The following THADA variants were observed in gnomAD, a reference collection of about 807,000 sequenced individuals.
THADA encodes the protein THADA armadillo repeat containing.
A neutral mutation model predicts 219.8 loss-of-function variants in THADA; 213 were observed. The observed-to-expected ratio is 0.97, with a 90% CI of 0.87 to 1.09. The LOEUF (loss-of-function observed/expected upper bound fraction) is 1.09, where lower values mean the gene tolerates loss of function less well. Ranked by LOEUF, THADA falls within the 50% of genes least tolerant of loss-of-function variation. The probability of loss-of-function intolerance (pLI) is 0.00; values close to 1 mark genes in which losing one functional copy is unlikely to be tolerated. For missense variants in THADA, 2,956 were observed against 2,311.3 expected, an observed-to-expected ratio of 1.28 and a Z score of -5.72; for synonymous variants, 1,018 against 828.9, an observed-to-expected ratio of 1.23 and a Z score of -3.92.
chr2:43,584,138 T>A (rs1380392342), intron 7 of THADA, among the ~76,000 whole-genome samples: 1 of 150,596 alleles, frequency 6.6e-6, no homozygotes, highest in Non-Finnish European at 1.5e-5. Context: ...ATAGGCAAAT[T>A]CAAAAAGACA....
chr2:43,577,714 T>C (rs1045039505), intron 9 of THADA, among the ~76,000 whole-genome samples: 2 of 152,030 alleles, frequency 1.3e-5, no homozygotes, highest in African/African-American at 4.8e-5. Context: ...ACAAGGATTG[T>C]GGCCTAAATT....
At chr2:43,520,478 A>G (rs1393572310) in intron 22 of THADA, among the ~76,000 whole-genome samples, 1 of 152,120 alleles carries the variant, frequency 6.6e-6, no homozygotes, top group Non-Finnish European at 1.5e-5. Flanking sequence ...TCTTGATCTC[A>G]GGAGTTGGAG....
At chr2:43,400,457 TTATATA>T (rs539798216) in intron 28 of THADA, among the ~76,000 whole-genome samples, 1 of 89,918 alleles carries the variant, frequency 1.1e-5, no homozygotes, top group African/African-American at 3.9e-5. Flanking sequence ...ATAGACAAAT[TTATATA>T]TATATATATA....
intron 29 of THADA, among the ~76,000 whole-genome samples, chr2:43,388,737 G>A (rs947867638): frequency 5.3e-5 from 8 of 152,202 alleles, no homozygotes; most frequent in Non-Finnish European, 1.0e-4. Flanking sequence ...GAACCTCTCT[G>A]TGAAATATGA....
intron 29 of THADA, among the ~76,000 whole-genome samples, chr2:43,349,022 G>C (rs1667958800): frequency 1.3e-5 from 2 of 152,068 alleles, no homozygotes; most frequent in South Asian, 4.2e-4. Flanking sequence ...AGATGGTTAT[G>C]ACCCAATCAG....
chr2:43,354,544 ACT>A (rs1244737953), intron 29 of THADA, among the ~76,000 whole-genome samples: 2 of 151,236 alleles, frequency 1.3e-5, no homozygotes, highest in African/African-American at 4.9e-5. Flanking sequence ...CTATCATTTT[ACT>A]CTCTATCTCC....
chr2:43,293,681 T>C (rs2104374915), intron 31 of THADA, among the ~76,000 whole-genome samples: 1 of 152,272 alleles, frequency 6.6e-6, no homozygotes, highest in East Asian at 1.9e-4. Flanking sequence ...TGTCAAAAAG[T>C]TCTTTTTGTG....
chr2:43,485,056 T>C (rs1345280817), intron 26 of THADA, among the ~76,000 whole-genome samples, 178 bp downstream of exon 26: 1 of 152,124 alleles, frequency 6.6e-6, no homozygotes, highest in Non-Finnish European at 1.5e-5. Flanking sequence ...TATTAAACAG[T>C]TGATATTTTT....
chr2:43,231,423 C>G, intron 37 of THADA, 80 bp from the exon 38 acceptor site: 1 of 1,398,272 alleles, frequency 7.2e-7, no homozygotes, highest in Non-Finnish European at 9.4e-7. Context: ...AGTACCCTGC[C>G]AGATGCAAGA....
rs112304422 is a variant in THADA, at chr2:43,530,966, C to A, written c.3265-2978G>T. Among the ~76,000 whole-genome samples, 859 of 152,288 alleles carry A rather than the reference C, an allele frequency of 5.6e-3. 3 individuals carry two copies. Among genetic ancestry groups the A allele is most frequent in the African/African-American group, 0.018 (739 of 41,560 alleles). ...ATAATTTCCGAATAAACCCACATAGCTAATACCTAGGCTTATTATCTTTTT... is the reference window on the plus strand; with the variant it reads ...ATAATTTCCGAATAAACCCACATAGATAATACCTAGGCTTATTATCTTTTT... On this transcript the variant is annotated intron_variant, in intron 21 of 37. Transcript: ENST00000405975.
chr2:43,375,034 T>A (rs759572110), intron 29 of THADA, among the ~76,000 whole-genome samples: 2 of 151,860 alleles, frequency 1.3e-5, no homozygotes, highest in Non-Finnish European at 2.9e-5. Flanking sequence ...TAATAAATGG[T>A]CGTGGACCAA....
chr2:43,502,680 C>T (rs1309366468), intron 24 of THADA, among the ~76,000 whole-genome samples: 1 of 150,714 alleles, frequency 6.6e-6, no homozygotes, highest in Admixed American at 6.6e-5. Context: ...AAATAAGATC[C>T]AAATGTACAA....
At chr2:43,466,911 G>A (rs1023798051) in intron 26 of THADA, among the ~76,000 whole-genome samples, 1 of 152,106 alleles carries the variant, frequency 6.6e-6, no homozygotes, top group East Asian at 1.9e-4. Flanking sequence ...GGCCGGGCAC[G>A]GTGGCTCACG....
intron 30 of THADA, among the ~76,000 whole-genome samples, chr2:43,321,213 G>A (rs976146353): frequency 1.3e-5 from 2 of 152,170 alleles, no homozygotes; most frequent in South Asian, 2.1e-4. Flanking sequence ...GAAGGGCCTT[G>A]ACTCTTGAGT....
At chr2:43,402,706 A>G (rs887121607) in intron 28 of THADA, among the ~76,000 whole-genome samples, 2 of 152,222 alleles carry the variant, frequency 1.3e-5, no homozygotes, top group Admixed American at 6.5e-5. Context: ...CTAGGCCACA[A>G]GCAACCTACA....
intron 36 of THADA, among the ~76,000 whole-genome samples, chr2:43,237,912 G>A (rs1668214908): frequency 6.6e-6 from 1 of 150,738 alleles, no homozygotes; most frequent in African/African-American, 2.4e-5. Flanking sequence ...GAGGTCAGGA[G>A]TTCGAGACCA....
intron 30 of THADA, among the ~76,000 whole-genome samples, chr2:43,338,154 C>CTTTTT (rs35928615): frequency 2.4e-5 from 3 of 126,362 alleles, no homozygotes; most frequent in African/African-American, 2.9e-5. Flanking sequence ...ATCACCAGAA[C>CTTTTT]TTTTTTTTTT....
chr2:43,521,534 C>T (rs913487251), intron 22 of THADA, among the ~76,000 whole-genome samples: 7 of 152,124 alleles, frequency 4.6e-5, no homozygotes, highest in East Asian at 3.9e-4. Context: ...CCAGCCTGGG[C>T]GACAGAGCAA....
rs562517399 is a variant in THADA at position 43,467,105 on chromosome 2, C to G, written c.3836+18129G>C. Among the ~76,000 whole-genome samples the G allele has an allele frequency of 2.2e-3, 314 of 143,420 alleles. 7 individuals are homozygous for G. The South Asian group carries it at 0.051, about 23-fold the overall frequency. The allele number at this position is 143,420 out of a possible 152,430, so 94.1% of individuals were successfully genotyped here. On this transcript the variant is annotated intron_variant, in intron 26 of 37. Transcript: ENST00000405975. ...GCTGAGGCAGGAGAATGGCGTGAAC[C>G]CGGGAGGCGGAGCTTGCAGTGAGCC...
Sources: gnomAD v4.1 joint callset for allele counts (sites outside exome capture counted in the v4.1 genomes callset) on GRCh38, gnomAD v4.1.1 for gene constraint, MANE v1.5 for transcripts, NCBI Gene and HGNC (gene_info 2026-07-23, HGNC 2026-07-21) for gene names.